Variants in HOMER2 observed in about 807,000 individuals in gnomAD.
The protein encoded by HOMER2 is homer scaffold protein 2, also known as homer protein homolog 2.
HOMER2 carries 27 observed loss-of-function variants against 47.0 expected under a neutral mutation model. The ratio of observed to expected loss-of-function variants is 0.57; its 90% CI spans 0.42 to 0.79. HOMER2 has a LOEUF of 0.79. Among genes scored for constraint, HOMER2 ranks in the 30% least tolerant of loss-of-function variants. The probability of loss-of-function intolerance (pLI) is 0.00; values close to 1 mark genes in which losing one functional copy is unlikely to be tolerated. For missense variants in HOMER2, 443 were observed against 435.0 expected, an observed-to-expected ratio of 1.02 and a Z score of -0.16; for synonymous variants, 161 against 163.8, an observed-to-expected ratio of 0.98 and a Z score of 0.13.
At chr15:82,894,406 G>GA (rs1287872343) in intron 1 of HOMER2, among the ~76,000 whole-genome samples, 3 of 151,958 alleles carry the variant, frequency 2.0e-5, no homozygotes, top group Non-Finnish European at 2.9e-5. Context: ...GATACAAATA[G>GA]AAAAAAAGCC....
chr15:82,868,027 TCCC>T (rs2052032080), intron 3 of HOMER2, among the ~76,000 whole-genome samples: 1 of 151,928 alleles, frequency 6.6e-6, no homozygotes, highest in African/African-American at 2.4e-5. Context: ...TTCTAATATT[TCCC>T]CCTTATTCTT....
rs370867216 is a variant in HOMER2, at chr15:82,868,542, T to TATA, written c.295-4284_295-4283insTAT. Among the ~76,000 whole-genome samples the TATA allele has an allele frequency of 7.3e-3, 312 of 42,700 alleles. 7 individuals are homozygous for TATA. Among genetic ancestry groups the TATA allele is most frequent in the African/African-American group, 0.019 (209 of 11,090 alleles). 28.0% of individuals were successfully genotyped at this position (42,700 alleles called of 152,430 possible). On this transcript the variant is annotated intron_variant, in intron 3 of 8. Coordinates refer to ENST00000450735, the MANE Select transcript of HOMER2 (RefSeq NM_004839.4). ...TTTATTTTATATATATATATATATA[T>TATA]TTTTTTTTTTTTTTTTCCCCTTTTG...
intron 1 of HOMER2, among the ~76,000 whole-genome samples, chr15:82,914,106 C>A (rs2053516812): frequency 6.6e-6 from 1 of 150,540 alleles, no homozygotes; most frequent in African/African-American, 2.4e-5. Context: ...GGAGGCTGAG[C>A]CGGGCAGATC....
chr15:82,872,203 A>G (rs2052199273), intron 3 of HOMER2, among the ~76,000 whole-genome samples: 1 of 152,084 alleles, frequency 6.6e-6, no homozygotes, highest in African/African-American at 2.4e-5. Context: ...CCTCAGACAG[A>G]GGTTCCAGCT....
chr15:82,862,581 TGGACAATTTC>T (rs2051829907), intron 4 of HOMER2, among the ~76,000 whole-genome samples: 1 of 152,202 alleles, frequency 6.6e-6, no homozygotes, highest in Non-Finnish European at 1.5e-5. Context: ...TTCTAGACCA[TGGACAATTTC>T]AGATGCTGAA....
intron 2 of HOMER2, among the ~76,000 whole-genome samples, chr15:82,877,864 T>TG (rs58906382): frequency 0.57 from 86,112 of 151,722 alleles, 24,648 homozygotes; most frequent in East Asian, 0.83. Context: ...GCGTGGAAAA[T>TG]GGAGATCTAA....
At chr15:82,981,924 C>T (rs779595835) in intron 1 of HOMER2, among the ~76,000 whole-genome samples, 5 of 152,036 alleles carry the variant, frequency 3.3e-5, no homozygotes, top group Admixed American at 1.3e-4. Context: ...AGATGGATGG[C>T]GGTGATAGTT....
At chr15:82,858,146 G>C (rs942921248) in intron 5 of HOMER2, among the ~76,000 whole-genome samples, 26 of 151,968 alleles carry the variant, frequency 1.7e-4, no homozygotes, top group African/African-American at 4.8e-4. Flanking sequence ...TGTAGTTTAT[G>C]GTTCTAGTTC....
chr15:82,921,067 G>A (rs2151172494), intron 1 of HOMER2, among the ~76,000 whole-genome samples: 1 of 152,154 alleles, frequency 6.6e-6, no homozygotes, highest in East Asian at 1.9e-4. Flanking sequence ...GGCCAAGGTG[G>A]GCAGATCACC....
At chr15:82,863,456 G>A (rs1012738988) in intron 4 of HOMER2, among the ~76,000 whole-genome samples, 2 of 152,110 alleles carry the variant, frequency 1.3e-5, no homozygotes, top group African/African-American at 2.4e-5. Context: ...CAACGCCTCC[G>A]ACAGCACACC....
intron 2 of HOMER2, among the ~76,000 whole-genome samples, chr15:82,876,102 A>C (rs1021022): frequency 0.46 from 70,525 of 151,972 alleles, 16,476 homozygotes; most frequent in East Asian, 0.61. Context: ...GGACACAGTC[A>C]GCACATGGCA....
At chr15:82,867,293 G>T (rs2052002539) in intron 3 of HOMER2, among the ~76,000 whole-genome samples, 1 of 150,936 alleles carries the variant, frequency 6.6e-6, no homozygotes, top group African/African-American at 2.4e-5. Flanking sequence ...TTCTAAACTT[G>T]GAAGAAATTT....
rs111788972 is a variant in HOMER2 at position 82,932,500 on chromosome 15, C to CA, written c.5+20030dup. Among the ~76,000 whole-genome samples the CA allele has an allele frequency of 2.0e-3, 241 of 122,526 alleles. 1 individual carries two copies. The highest frequency in any genetic ancestry group is 3.6e-3 in the African/African-American group (118 of 33,100). The allele number at this position is 122,526 out of a possible 152,430, so 80.4% of individuals were successfully genotyped here. On this transcript the variant is annotated intron_variant, in intron 1 of 8. Transcript: ENST00000450735. ...TGGGCAACACAGCAAGACTCTGTCT[C>CA]AAAAAAAAAAAAGAAAAAAGAAAAA...
At chr15:82,863,074 G>A (rs896072994) in intron 4 of HOMER2, among the ~76,000 whole-genome samples, 4 of 152,092 alleles carry the variant, frequency 2.6e-5, no homozygotes, top group Non-Finnish European at 4.4e-5. Flanking sequence ...TTGTGCACCC[G>A]AGACTGCAGC....
intron 1 of HOMER2, among the ~76,000 whole-genome samples, chr15:82,929,388 G>A (rs1443680506): frequency 6.6e-6 from 1 of 152,092 alleles, no homozygotes; most frequent in Admixed American, 6.5e-5. Flanking sequence ...AGGCACGGTG[G>A]CTCACGCCCG....
At chr15:82,855,898 C>A (rs1298385145) in intron 5 of HOMER2, among the ~76,000 whole-genome samples, 4 of 152,194 alleles carry the variant, frequency 2.6e-5, no homozygotes, top group African/African-American at 9.6e-5. Flanking sequence ...GCTAGGAGCC[C>A]ACACATCTGT....
At chr15:82,888,811 A>G (rs2052621611) in intron 2 of HOMER2, among the ~76,000 whole-genome samples, 1 of 47,424 alleles carries the variant, frequency 2.1e-5, no homozygotes, top group Non-Finnish European at 4.0e-5. Flanking sequence ...CCCTAGTGAG[A>G]TGAACCCGGT....
chr15:82,916,171 A>G (rs1047701634), intron 1 of HOMER2, among the ~76,000 whole-genome samples: 45 of 152,232 alleles, frequency 3.0e-4, no homozygotes, highest in African/African-American at 1.1e-3. Flanking sequence ...CAAAGAATTC[A>G]TGGGTTCCAG....
intron 1 of HOMER2, among the ~76,000 whole-genome samples, chr15:82,923,841 G>A (rs2053792167): frequency 6.6e-6 from 1 of 152,168 alleles, no homozygotes; most frequent in Admixed American, 6.5e-5. Flanking sequence ...CCAGTCGGTT[G>A]TACAAGTGAC....
Sources: gnomAD v4.1 joint callset for allele counts (sites outside exome capture counted in the v4.1 genomes callset) on GRCh38, gnomAD v4.1.1 for gene constraint, MANE v1.5 for transcripts, NCBI Gene and HGNC (gene_info 2026-07-23, HGNC 2026-07-21) for gene names.